The following NLRC5 variants were observed in gnomAD, a reference collection of about 807,000 sequenced individuals.
NLRC5 encodes the protein NLR family CARD domain containing 5.
In NLRC5, 114 loss-of-function variants were observed where a neutral mutation model predicts 206.9. The observed-to-expected ratio is 0.55, with a 90% CI of 0.47 to 0.64. The LOEUF is 0.64. NLRC5 is among the 30% of genes least tolerant of loss of function. The pLI is 0.00. For synonymous variants in NLRC5, 952 were observed against 962.8 expected, an observed-to-expected ratio of 0.99 and a Z score of 0.21; for missense variants, 2,008 against 2,305.5, an observed-to-expected ratio of 0.87 and a Z score of 2.64.
intron 1 of NLRC5, among the ~76,000 whole-genome samples, chr16:56,998,495 G>A (rs147208296): frequency 1.3e-5 from 2 of 152,252 alleles, no homozygotes; most frequent in East Asian, 3.9e-4. Context: ...TGTGAGGTAG[G>A]TGCTGCTCTT....
intron 46 of NLRC5, chr16:57,080,825 C>A: frequency 5.2e-6 from 2 of 385,252 alleles, no homozygotes; most frequent in South Asian, 5.7e-5. Context: ...AAATATGATG[C>A]ATCTTAAATA....
intron 34 of NLRC5, 83 bp from the exon 35 acceptor site, chr16:57,067,301 ACAC>A (rs1180490468): frequency 1.9e-6 from 2 of 1,064,210 alleles, no homozygotes; most frequent in East Asian, 4.8e-5. Context: ...ATTTACCCCT[ACAC>A]CATAAGCTCC....
At chr16:57,079,996 G>C (rs74021931) in intron 46 of NLRC5, among the ~76,000 whole-genome samples, 1,877 of 152,188 alleles carry the variant, frequency 0.012, 48 homozygotes, top group African/African-American at 0.043. Context: ...AACCACAGTT[G>C]GTAGAAACAG....
chr16:57,002,426 G>T (rs1279921512), intron 1 of NLRC5, among the ~76,000 whole-genome samples: 1 of 152,158 alleles, frequency 6.6e-6, no homozygotes, highest in Non-Finnish European at 1.5e-5. Context: ...GGAATTACAG[G>T]CGTGAGCTGC....
rs753406786 is a variant in NLRC5, at chr16:57,046,569, G to A, written c.3266G>A (p.Gly1089Glu). The A allele has an allele frequency of 8.7e-6, 14 of 1,613,814 alleles. No homozygotes were observed. In the Admixed American group the frequency reaches 1.5e-4, roughly 17 times the overall value. The change falls in exon 22 of 49, where the codon GGA (glycine) becomes GAA (glutamate). Residue 1089 changes from glycine (G) to glutamate (E), a missense_variant. Physicochemically the swap from Gly to Glu is moderately conservative, Grantham distance 98 (BLOSUM62 -2). Coordinates refer to ENST00000688547, the MANE Select transcript of NLRC5 (RefSeq NM_001384950.1). ...CCTCCTAGGGATATGTGGGCCACTGGATCTTTGCCAGACTTCCCAGCTGCA... is the reference window on the plus strand; with the variant it reads ...CCTCCTAGGGATATGTGGGCCACTGAATCTTTGCCAGACTTCCCAGCTGCA... The part of the protein sequence containing the change: ...DKTSRDMWAT[G>E]SLPDFPAAAK...
rs1236721971 is a variant in NLRC5 at position 57,046,647 on chromosome 16, G to A, written c.3338+6G>A. On this transcript the variant is annotated splice_donor_region_variant and intron_variant, in intron 22 of 48. Transcript: ENST00000688547. ...TGCATCCCCAGGAGCCTCTGGTACT[G>A]TCCCAGCCCTTCTTGTTTGGGGGTA... 9.3e-6 allele frequency: 15 copies of A among 1,612,026 alleles called. No homozygotes were observed. The African/African-American group carries it at 1.9e-4, about 20-fold the overall frequency.
intron 22 of NLRC5, 57 bp downstream of exon 22, chr16:57,046,698 G>A: frequency 1.4e-6 from 2 of 1,434,662 alleles, no homozygotes; most frequent in Non-Finnish European, 2.0e-6. Context: ...AGGCGTCAGA[G>A]GGGGCAGAGC....
In NLRC5 at chr16:57,028,136, G is replaced by A. The variant is rs748383955; in HGVS notation, c.2140G>A (p.Gly714Arg). The stretch of plus-strand genomic sequence containing the variant: ...CCTCTCCAGGAGCTTGCCGACAATG[G>A]GGAGGCTGCAGATGCTGGGGTGAGC... ...EALSRSLPTM[G>R]RLQMLGLAGS... The change falls in exon 7 of 49, where the codon GGG becomes AGG. Residue 714 changes from glycine to arginine, a missense_variant. Coordinates refer to ENST00000688547, the MANE Select transcript of NLRC5 (RefSeq NM_001384950.1). The A allele has an allele frequency of 1.9e-6, 3 of 1,613,446 alleles. No individual in the cohort carries two copies. Among genetic ancestry groups the A allele is most frequent in the Admixed American group, 1.7e-5 (1 of 59,972 alleles).
At chr16:57,077,074 G>A (rs1171027912) in intron 40 of NLRC5, among the ~76,000 whole-genome samples, 172 bp downstream of exon 40, 1 of 152,260 alleles carries the variant, frequency 6.6e-6, no homozygotes. Flanking sequence ...AAGACAGGAT[G>A]TAAGAGTGTC....
Position 57,077,392 on chromosome 16 carries a change from C to A in NLRC5, c.4919+13C>A, listed in dbSNP as rs1351178734. 2 of 1,612,096 alleles carry A rather than the reference C, an allele frequency of 1.2e-6. No homozygotes were observed. The highest frequency in any genetic ancestry group is 1.7e-6 in the Non-Finnish European group (2 of 1,178,594). On this transcript the variant is annotated intron_variant, in intron 41 of 48. Coordinates refer to ENST00000688547, the MANE Select transcript of NLRC5 (RefSeq NM_001384950.1). ...TCAGGAAGATAGAGTGAGTAGCCAG[C>A]CCTACAGAGGAGGGCCACAGGGGTC...
chr16:57,025,755 T>C lies in NLRC5; in HGVS notation c.812T>C (p.Leu271Pro). 6.2e-7 allele frequency: 1 copy of C among 1,614,252 alleles called. No individual in the cohort carries two copies. The highest frequency in any genetic ancestry group is 8.5e-7 in the Non-Finnish European group (1 of 1,180,032). ...CAGCTCAACTTGATCACGAGGTTCC[T>C]GACACCGTCCGAGCTCCTTTTTGAT... The part of the protein sequence containing the change: ...FRQLNLITRF[L>P]TPSELLFDLY... The change falls in exon 6 of 49, where the codon CTG becomes CCG. Residue 271 changes from leucine (L) to proline (P), a missense_variant. Physicochemically the swap from Leu to Pro is moderately conservative, Grantham distance 98. Transcript: ENST00000688547.
At chr16:57,045,952 C>T (rs1159898234) in intron 21 of NLRC5, among the ~76,000 whole-genome samples, 1 of 152,238 alleles carries the variant, frequency 6.6e-6, no homozygotes, top group Non-Finnish European at 1.5e-5. Context: ...TTTAGCTCTT[C>T]ATGATGTTCC....
At chr16:57,079,381 T>TG (rs1180197472) in intron 45 of NLRC5, 89 bp downstream of exon 45, 4 of 1,486,368 alleles carry the variant, frequency 2.7e-6, no homozygotes, top group East Asian at 4.5e-5. Context: ...GGGAGGCCTT[T>TG]GAAGTGATAG....
chr16:57,059,350 C>T (rs946619431), intron 29 of NLRC5, 117 bp from the exon 30 acceptor site: 17 of 1,494,052 alleles, frequency 1.1e-5, no homozygotes, highest in Non-Finnish European at 1.4e-5. Flanking sequence ...GGCCTCCATC[C>T]TCCCTTGTCC....
In NLRC5 at chr16:57,020,958, G is replaced by T. The variant is rs2060605370; in HGVS notation, c.246G>T (p.Val82=). 2 of 1,613,996 alleles carry T rather than the reference G, an allele frequency of 1.2e-6. No individual in the cohort carries two copies. The highest frequency in any genetic ancestry group is 1.7e-6 in the Non-Finnish European group (2 of 1,179,996). Residue 82 remains valine (V), a synonymous_variant, in exon 3 of 49, where the codon GTG becomes GTT. Coordinates refer to ENST00000688547, the MANE Select transcript of NLRC5 (RefSeq NM_001384950.1). The part of the protein sequence containing the change: ...FIHCVCMQLE[V]PLDLEVLLLS... ...ATTGTGTGTGCATGCAGCTGGAGGT[G>T]CCTCTGGACCTGGAGGTGCTGCTGC...
chr16:57,013,868 C>A, intron 1 of NLRC5: 1 of 640,872 alleles, frequency 1.6e-6, no homozygotes. Flanking sequence ...AAATGGCAAG[C>A]CACACTATTT....
intron 28 of NLRC5, 136 bp downstream of exon 28, chr16:57,058,284 T>G: frequency 1.5e-6 from 1 of 682,786 alleles, no homozygotes. Context: ...GGGGCAATTC[T>G]TCCCTTGCCT....
In NLRC5 at chr16:57,056,659, TC is replaced by T. The variant is rs201121539; in HGVS notation, c.3746+1141del. On this transcript the variant is annotated intron_variant, in intron 27 of 48. Transcript: ENST00000688547. ...TCATTATAGAGGGAAATTTTTCTTT[TC>T]TTTCTTTCTTTTTTTTTAGATGGAG... 4.4e-3 allele frequency among the ~76,000 whole-genome samples: 662 copies of T among 151,718 alleles called. 6 individuals are homozygous for T. The highest frequency in any genetic ancestry group is 0.016 in the African/African-American group (643 of 41,362).
In NLRC5 at chr16:57,046,645, C is replaced by G; in HGVS notation, c.3338+4C>G. 1 of 1,612,600 alleles carries G rather than the reference C, an allele frequency of 6.2e-7. No homozygotes were observed. Among genetic ancestry groups the G allele is most frequent in the Non-Finnish European group, 8.5e-7 (1 of 1,178,886 alleles). Reference sequence around the variant, plus strand: ...GCTGCATCCCCAGGAGCCTCTGGTACTGTCCCAGCCCTTCTTGTTTGGGGG... The same window carrying G: ...GCTGCATCCCCAGGAGCCTCTGGTAGTGTCCCAGCCCTTCTTGTTTGGGGG... On this transcript the variant is annotated splice_donor_region_variant and intron_variant, in intron 22 of 48. Transcript: ENST00000688547.
Sources: allele counts gnomAD v4.1 joint callset (sites outside exome capture counted in the v4.1 genomes callset), GRCh38; gene constraint gnomAD v4.1.1; transcripts MANE v1.5; gene names NCBI Gene and HGNC (gene_info 2026-07-23, HGNC 2026-07-21).